Variants in SLC25A12 observed in about 807,000 individuals in gnomAD.
The protein encoded by SLC25A12 is solute carrier family 25 member 12.
Under a neutral mutation model 83.3 loss-of-function variants are expected in SLC25A12, and 32 were observed. The observed-to-expected ratio is 0.38, with a 90% CI of 0.29 to 0.52. The LOEUF (loss-of-function observed/expected upper bound fraction) is 0.52. SLC25A12 is among the 20% of genes least tolerant of loss of function. SLC25A12 has a pLI of 0.84. For synonymous variants in SLC25A12, 267 were observed against 291.1 expected, an observed-to-expected ratio of 0.92 and a Z score of 0.84; for missense variants, 611 against 835.6, an observed-to-expected ratio of 0.73 and a Z score of 3.31.
At chr2:171,836,456 T>C (rs530084056) in intron 6 of SLC25A12, among the ~76,000 whole-genome samples, 1 of 152,296 alleles carries the variant, frequency 6.6e-6, no homozygotes, top group South Asian at 2.1e-4. Flanking sequence ...ATGATTACTT[T>C]ATAGAGATTA....
At chr2:171,810,029 T>C (rs888095205) in intron 12 of SLC25A12, among the ~76,000 whole-genome samples, 195 bp downstream of exon 12, 2 of 152,148 alleles carry the variant, frequency 1.3e-5, no homozygotes, top group African/African-American at 4.8e-5. Context: ...TTAATTTTGT[T>C]GTTGTTGTTG....
chr2:171,818,851 G>A (rs1468482935), intron 9 of SLC25A12, among the ~76,000 whole-genome samples: 1 of 151,700 alleles, frequency 6.6e-6, no homozygotes, highest in Non-Finnish European at 1.5e-5. Context: ...ATAAAAGGGA[G>A]AAATAGCTAA....
At chr2:171,819,115 A>G (rs1247972864) in intron 9 of SLC25A12, among the ~76,000 whole-genome samples, 2 of 140,480 alleles carry the variant, frequency 1.4e-5, no homozygotes, top group East Asian at 4.0e-4. Context: ...TAAAATATAT[A>G]TATAATATAT....
chr2:171,878,819 C>T (rs6724337), intron 2 of SLC25A12, among the ~76,000 whole-genome samples: 43,622 of 152,006 alleles, frequency 0.29, 6,525 homozygotes, highest in African/African-American at 0.37. Flanking sequence ...CAATATGTAC[C>T]AAGGCAAGTA....
At position 171,834,643 on chromosome 2, in the gene SLC25A12, TG is replaced by T. The variant is rs879239720; in HGVS notation, c.751+83del. On this transcript the variant is annotated intron_variant, in intron 7 of 17. Transcript: ENST00000422440. ...ATACTTTCTAGATCTGGCTTTAGAG[TG>T]GTAAGCTTAGATCAACATCATGCCT... 1.8e-4 allele frequency: 257 copies of T among 1,448,784 alleles called. 9 individuals are homozygous for T. Among genetic ancestry groups the T allele is most frequent in the South Asian group, 1.7e-3 (149 of 87,262 alleles). The allele number at this position is 1,448,784 out of a possible 1,614,324, so 89.7% of individuals were successfully genotyped here. A position where few individuals can be genotyped will look rare whatever the true frequency, so the allele number is the denominator to read the frequency against.
chr2:171,803,411 A>C (rs1280586222), intron 13 of SLC25A12, among the ~76,000 whole-genome samples: 1 of 152,234 alleles, frequency 6.6e-6, no homozygotes, highest in Non-Finnish European at 1.5e-5. Context: ...AAAGGGACTC[A>C]TATCTAGAAT....
intron 3 of SLC25A12, among the ~76,000 whole-genome samples, chr2:171,860,597 G>T (rs1022305645): frequency 2.0e-5 from 3 of 152,016 alleles, no homozygotes; most frequent in Non-Finnish European, 4.4e-5. Flanking sequence ...GACACACTCT[G>T]TCTCACAACA....
At chr2:171,820,236 T>C (rs1049798536) in intron 9 of SLC25A12, among the ~76,000 whole-genome samples, 3 of 149,242 alleles carry the variant, frequency 2.0e-5, no homozygotes, top group Non-Finnish European at 4.4e-5. Flanking sequence ...AAAATAATAA[T>C]TCTTAATAAT....
In SLC25A12 at chr2:171,858,926, T is replaced by C. The variant is rs976495741; in HGVS notation, c.210-2977A>G. On this transcript the variant is annotated intron_variant, in intron 3 of 17. Transcript: ENST00000422440. Reference sequence around the variant, plus strand: ...ATGGAATTTACTAAATATCTACATTTTGTCTGTCAGCATATTCAAAAAGAC... The same window carrying C: ...ATGGAATTTACTAAATATCTACATTCTGTCTGTCAGCATATTCAAAAAGAC... 2.0e-5 allele frequency among the ~76,000 whole-genome samples: 3 copies of C among 152,220 alleles called. No homozygotes were observed. The East Asian group carries it at 5.8e-4, about 29-fold the overall frequency.
At position 171,783,612 on chromosome 2, in the gene SLC25A12, TGGTGGA is replaced by T. The variant is rs1439713981; in HGVS notation, c.*1656_*1661del. The stretch of plus-strand genomic sequence containing the variant: ...CAGTGATTACCTCTGGGCCAGGAAG[TGGTGGA>T]GGTAGAAGGAGGGTAAGCGGGACAC... On this transcript the variant is annotated 3_prime_UTR_variant, in exon 18 of 18. Coordinates refer to ENST00000422440, the MANE Select transcript of SLC25A12 (RefSeq NM_003705.5). Among the ~76,000 whole-genome samples, 33 of 152,090 alleles carry T rather than the reference TGGTGGA, an allele frequency of 2.2e-4. No individual in the cohort carries two copies. The highest frequency in any genetic ancestry group is 2.2e-3 in the Admixed American group (33 of 15,272).
At position 171,868,685 on chromosome 2, in the gene SLC25A12, C is replaced by T. The variant is rs568702609; in HGVS notation, c.205G>A (p.Asp69Asn). The part of the protein sequence containing the change: ...LLAGVADQTK[D>N]GLISYQEFLA... ...AAAATGCATGAAGATACTTACCCAT[C>T]CTTGGTTTGATCAGCTACTCCTGCC... Residue 69 changes from aspartate (D) to asparagine (N), a missense_variant, in exon 3 of 18, where the codon GAT becomes AAT. Coordinates refer to ENST00000422440, the MANE Select transcript of SLC25A12 (RefSeq NM_003705.5). 2 of 1,613,808 alleles carry T rather than the reference C, an allele frequency of 1.2e-6. No individual in the cohort carries two copies. The highest frequency in any genetic ancestry group is 4.5e-5 in the East Asian group (2 of 44,868).
intron 3 of SLC25A12, among the ~76,000 whole-genome samples, chr2:171,867,634 G>A (rs1685364012): frequency 1.3e-5 from 2 of 152,130 alleles, no homozygotes; most frequent in South Asian, 4.1e-4. Flanking sequence ...GAGGGAGACC[G>A]TGGGGAGAGG....
chr2:171,881,381 ACCTCAGGTGATCCAGCCGCCTCGGCCT>A (rs1685691332), intron 2 of SLC25A12, among the ~76,000 whole-genome samples: 1 of 152,058 alleles, frequency 6.6e-6, no homozygotes, highest in African/African-American at 2.4e-5. Context: ...TGAACTCCTA[ACCTCAGGTGATCCAGCCGCCTCGGCCT>A]CCCAAAGTGC....
chr2:171,808,186 A>G (rs1395418635), intron 13 of SLC25A12, among the ~76,000 whole-genome samples: 2 of 152,148 alleles, frequency 1.3e-5, no homozygotes, highest in African/African-American at 2.4e-5. Flanking sequence ...AGCTGCAAAT[A>G]GATTTAAGAA....
chr2:171,856,068 T>C, intron 3 of SLC25A12, 119 bp from the exon 4 acceptor site: 1 of 715,184 alleles, frequency 1.4e-6, no homozygotes, highest in East Asian at 2.6e-5. Flanking sequence ...AAAGGGTAGT[T>C]TGTTTTTATA....
chr2:171,803,311 C>T (rs1465890838), intron 13 of SLC25A12, among the ~76,000 whole-genome samples: 1 of 151,874 alleles, frequency 6.6e-6, no homozygotes, highest in South Asian at 2.1e-4. Context: ...ACACCAAAAG[C>T]ACAAACAACA....
intron 2 of SLC25A12, among the ~76,000 whole-genome samples, chr2:171,869,282 A>G (rs1020135489): frequency 6.6e-6 from 1 of 152,372 alleles, no homozygotes; most frequent in Non-Finnish European, 1.5e-5. Context: ...TGGTAAATAT[A>G]CTTTTTTAAA....
intron 2 of SLC25A12, among the ~76,000 whole-genome samples, chr2:171,877,573 G>A (rs1685597362): frequency 6.6e-6 from 1 of 151,530 alleles, no homozygotes; most frequent in African/African-American, 2.4e-5. Flanking sequence ...GCGGAGGCAG[G>A]AGAATCACTT....
intron 9 of SLC25A12, among the ~76,000 whole-genome samples, chr2:171,825,301 A>G (rs1684277561): frequency 6.6e-6 from 1 of 152,230 alleles, no homozygotes. Context: ...CTGACTACAA[A>G]ATGTTCTTGT....
Sources: gnomAD v4.1 joint callset for allele counts (sites outside exome capture counted in the v4.1 genomes callset) on GRCh38, gnomAD v4.1.1 for gene constraint, MANE v1.5 for transcripts, NCBI Gene and HGNC (gene_info 2026-07-23, HGNC 2026-07-21) for gene names.